The following GALNT18 variants were observed in gnomAD, a reference collection of about 807,000 sequenced individuals.
GALNT18 encodes polypeptide N-acetylgalactosaminyltransferase 18.
Under a neutral mutation model 69.5 loss-of-function variants are expected in GALNT18, and 44 were observed. The observed-to-expected ratio is 0.63, with a 90% CI of 0.50 to 0.81. The LOEUF is 0.81. Ranked by LOEUF, GALNT18 falls within the 40% of genes least tolerant of loss-of-function variation. The pLI is 0.00. For missense variants in GALNT18, 715 were observed against 810.0 expected (o/e 0.88, Z 1.42); for synonymous variants, 364 against 318.2 (o/e 1.14, Z -1.53).
intron 1 of GALNT18, among the ~76,000 whole-genome samples, chr11:11,466,267 T>C (rs1856154116): frequency 6.6e-6 from 1 of 152,238 alleles, no homozygotes; most frequent in Non-Finnish European, 1.5e-5. Flanking sequence ...ACTGCAACCT[T>C]TATAAACCAG....
intron 1 of GALNT18, among the ~76,000 whole-genome samples, chr11:11,556,073 C>T (rs1350479840): frequency 6.6e-6 from 1 of 152,144 alleles, no homozygotes; most frequent in Non-Finnish European, 1.5e-5. Context: ...CTTGTATAAA[C>T]AATTCAGGTT....
At chr11:11,433,370 G>C (rs1015849580) in intron 2 of GALNT18, among the ~76,000 whole-genome samples, 2 of 152,226 alleles carry the variant, frequency 1.3e-5, no homozygotes, top group Non-Finnish European at 2.9e-5. Flanking sequence ...ATGAGGAAAA[G>C]GTAGAAGGAC....
At chr11:11,378,958 C>T (rs898096953) in intron 4 of GALNT18, 123 bp downstream of exon 4, 2 of 934,972 alleles carry the variant, frequency 2.1e-6, no homozygotes, top group African/African-American at 1.7e-5. Flanking sequence ...CTACATCTCA[C>T]CTATTCCCAG....
At chr11:11,412,804 C>G (rs961075169) in intron 3 of GALNT18, among the ~76,000 whole-genome samples, 1 of 152,226 alleles carries the variant, frequency 6.6e-6, no homozygotes, top group Non-Finnish European at 1.5e-5. Flanking sequence ...TATCTCACCA[C>G]ATTTAATTAT....
At chr11:11,355,914 C>T (rs959291612) in intron 6 of GALNT18, among the ~76,000 whole-genome samples, 7 of 152,150 alleles carry the variant, frequency 4.6e-5, no homozygotes, top group Admixed American at 3.9e-4. Flanking sequence ...TGTTCCTGGG[C>T]CATTTACACC....
At position 11,586,355 on chromosome 11, in the gene GALNT18, A is replaced by T. The variant is rs1859225210; in HGVS notation, c.235+35004T>A. Among the ~76,000 whole-genome samples the T allele has an allele frequency of 6.6e-6, 1 of 152,228 alleles. No individual in the cohort carries two copies. On this transcript the variant is annotated intron_variant, in intron 1 of 10. Coordinates refer to ENST00000227756, the MANE Select transcript of GALNT18 (RefSeq NM_198516.3). The surrounding 1 kb of genome is among the most constrained non-coding windows in gnomAD (Gnocchi z 4.1). ...TTTCTATTGTGGCAAATATTAACTG[A>T]TACAACCTATAGCAACAAAACTCCC...
rs964923042 is a variant in GALNT18, at chr11:11,461,332, A to G, written c.236-12396T>C. On this transcript the variant is annotated intron_variant, in intron 1 of 10. Transcript: ENST00000227756. The surrounding 1 kb of genome is among the most constrained non-coding windows in gnomAD (Gnocchi z 4.1). ...ACTCACAGAAGTGGAAATAGCCTTG[A>G]TTAGAAATTATGCAGAATGAAAGCT... Among the ~76,000 whole-genome samples, 1 of 152,192 alleles carries G rather than the reference A, an allele frequency of 6.6e-6. No homozygotes were observed. The highest frequency in any genetic ancestry group is 1.5e-5 in the Non-Finnish European group (1 of 68,024).
Position 11,621,085 on chromosome 11 carries a change from C to T in GALNT18, c.235+274G>A, listed in dbSNP as rs1860180807. On this transcript the variant is annotated intron_variant, in intron 1 of 10. Coordinates refer to ENST00000227756, the MANE Select transcript of GALNT18 (RefSeq NM_198516.3). This position sits in a 1 kb window ranked among gnomAD's most constrained non-coding sequence, Gnocchi z 9.3. ...CCAGAGTCACACGCACATTTGGACA[C>T]GTGCGCAGCGCGCCCCCATACCGCC... 6.6e-6 allele frequency among the ~76,000 whole-genome samples: 1 copy of T among 152,350 alleles called. No homozygotes were observed. Among genetic ancestry groups the T allele is most frequent in the South Asian group, 2.1e-4 (1 of 4,824 alleles).
At chr11:11,393,358 G>A (rs1233943279) in intron 3 of GALNT18, among the ~76,000 whole-genome samples, 1 of 152,236 alleles carries the variant, frequency 6.6e-6, no homozygotes, top group African/African-American at 2.4e-5. Context: ...GTCTGGTTAG[G>A]CTGCTGCTAG....
rs193183511 is a variant in GALNT18 at position 11,314,203 on chromosome 11, C to T, written c.1512+12883G>A. Among the ~76,000 whole-genome samples the T allele has an allele frequency of 2.6e-5, 4 of 152,278 alleles. No individual in the cohort carries two copies. The highest frequency in any genetic ancestry group is 2.0e-4 in the Admixed American group (3 of 15,300). ...GGGTGGAGGGCAAGAGACTCAGCCC[C>T]TCTCTGGTTAGTGAGTCTGAACATT... On this transcript the variant is annotated intron_variant, in intron 9 of 10. Coordinates refer to ENST00000227756, the MANE Select transcript of GALNT18 (RefSeq NM_198516.3). The surrounding 1 kb of genome is among the most constrained non-coding windows in gnomAD (Gnocchi z 5.2).
At chr11:11,366,002 T>G (rs1033191815) in intron 6 of GALNT18, among the ~76,000 whole-genome samples, 2 of 152,196 alleles carry the variant, frequency 1.3e-5, no homozygotes, top group African/African-American at 2.4e-5. Flanking sequence ...TCTTTGTGAA[T>G]GTCACCGAAA....
At chr11:11,560,043 GAT>G in intron 1 of GALNT18, among the ~76,000 whole-genome samples, 1 of 149,792 alleles carries the variant, frequency 6.7e-6, no homozygotes. Flanking sequence ...GATAGGATGG[GAT>G]GGGATGGGAT....
intron 1 of GALNT18, among the ~76,000 whole-genome samples, chr11:11,547,492 A>G (rs1023587280): frequency 3.9e-5 from 6 of 152,204 alleles, no homozygotes; most frequent in Admixed American, 1.3e-4. Flanking sequence ...CTGGGCCTCT[A>G]TGAAGTTGCC....
rs571821661 is a variant in GALNT18, at chr11:11,352,024, G to A, written c.1093-11020C>T. 1.4e-4 allele frequency: 219 copies of A among 1,613,612 alleles called. 2 individuals are homozygous for A. In the South Asian group the frequency reaches 2.1e-3, roughly 15 times the overall value. ...GCAATCACTGGTGAGCCTGCCAGAG[G>A]TCCAAGGGGTGAAGGAGTTGGCACT... On this transcript the variant is annotated intron_variant, in intron 6 of 10. Transcript: ENST00000227756.
At chr11:11,366,670 T>C (rs1850777144) in intron 6 of GALNT18, among the ~76,000 whole-genome samples, 2 of 151,980 alleles carry the variant, frequency 1.3e-5, no homozygotes, top group African/African-American at 2.4e-5. Flanking sequence ...GGTACTGCCA[T>C]TGTTATTTAG....
At chr11:11,326,666 G>A (rs1348082454) in intron 9 of GALNT18, among the ~76,000 whole-genome samples, 2 of 152,190 alleles carry the variant, frequency 1.3e-5, no homozygotes, top group Admixed American at 6.5e-5. Flanking sequence ...AAAGGGCCGA[G>A]CTGAAGACCA....
In GALNT18 at chr11:11,582,346, G is replaced by T. The variant is rs1374110461; in HGVS notation, c.235+39013C>A. 1.3e-5 allele frequency among the ~76,000 whole-genome samples: 2 copies of T among 152,194 alleles called. No homozygotes were observed. Among genetic ancestry groups the T allele is most frequent in the African/African-American group, 4.8e-5 (2 of 41,454 alleles). On this transcript the variant is annotated intron_variant, in intron 1 of 10. Coordinates refer to ENST00000227756, the MANE Select transcript of GALNT18 (RefSeq NM_198516.3). The surrounding 1 kb of genome is among the most constrained non-coding windows in gnomAD (Gnocchi z 5.0). ...GGGCCTTTGTTCCCAATCATTCACT[G>T]CCCCTCCCTATAAGAGGGCTATGCA...
chr11:11,494,573 T>A lies in GALNT18; in HGVS notation c.236-45637A>T, dbSNP rs893851133. Among the ~76,000 whole-genome samples, 1 of 152,080 alleles carries A rather than the reference T, an allele frequency of 6.6e-6. No individual in the cohort carries two copies. Among genetic ancestry groups the A allele is most frequent in the Admixed American group, 6.6e-5 (1 of 15,260 alleles). ...CCTTGTGGGTGAGCTGAAGGCAGAG[T>A]CATGCCTCACAATTCACTGCAGCTC... is the stretch of plus-strand genomic sequence containing the variant. On this transcript the variant is annotated intron_variant, in intron 1 of 10. Coordinates refer to ENST00000227756, the MANE Select transcript of GALNT18 (RefSeq NM_198516.3). This position sits in a 1 kb window ranked among gnomAD's most constrained non-coding sequence, Gnocchi z 5.7.
Position 11,421,439 on chromosome 11 carries a change from C to G in GALNT18, c.595+11182G>C, listed in dbSNP as rs1247340475. Among the ~76,000 whole-genome samples the G allele has an allele frequency of 6.6e-6, 1 of 152,144 alleles. No homozygotes were observed. Among genetic ancestry groups the G allele is most frequent in the African/African-American group, 2.4e-5 (1 of 41,428 alleles). On this transcript the variant is annotated intron_variant, in intron 3 of 10. Transcript: ENST00000227756. The surrounding 1 kb of genome is among the most constrained non-coding windows in gnomAD (Gnocchi z 5.6). ...AGCCAGGTGGATCGAACCGTGGAAG[C>G]AGAGCCCCAGTTTGGTGTACAGGGA... is the stretch of plus-strand genomic sequence containing the variant.
Sources: gnomAD v4.1 joint callset for allele counts (sites outside exome capture counted in the v4.1 genomes callset) on GRCh38, gnomAD v4.1.1 for gene constraint, Gnocchi (gnomAD v3.1) non-coding constraint, MANE v1.5 for transcripts, NCBI Gene and HGNC (gene_info 2026-07-23, HGNC 2026-07-21) for gene names.